PARD3B: variants seen among roughly 807,000 people sequenced by gnomAD.
PARD3B encodes par-3 family cell polarity regulator beta, also known as partitioning defective 3 homolog B.
In PARD3B, 103 loss-of-function variants were observed where a neutral mutation model predicts 130.2. That is an observed-to-expected ratio of 0.79 (90% CI 0.67 to 0.93). PARD3B has a LOEUF of 0.93. Ranked by LOEUF, PARD3B falls within the 40% of genes least tolerant of loss-of-function variation. The probability of loss-of-function intolerance (pLI) is 0.00; values close to 1 mark genes in which losing one functional copy is unlikely to be tolerated. For missense variants in PARD3B, 1,609 were observed against 1,499.2 expected (o/e 1.07, Z -1.21); for synonymous variants, 583 against 553.2 (o/e 1.05, Z -0.76).
intron 18 of PARD3B, among the ~76,000 whole-genome samples, chr2:205,390,318 A>T (rs1453189144): frequency 1.3e-5 from 2 of 151,846 alleles, no homozygotes; most frequent in Admixed American, 1.3e-4. Context: ...AAAAAGCTCT[A>T]GTTATACTTT....
chr2:205,251,400 T>C (rs2039843213), intron 16 of PARD3B, among the ~76,000 whole-genome samples: 1 of 152,180 alleles, frequency 6.6e-6, no homozygotes, highest in Non-Finnish European at 1.5e-5. Context: ...AAGAGTTTAG[T>C]ATGCAAGTTA....
rs2054305080 is a variant in PARD3B at position 205,589,385 on chromosome 2, C to T, written c.3261-26071C>T. 1.3e-5 allele frequency among the ~76,000 whole-genome samples: 2 copies of T among 152,146 alleles called. No homozygotes were observed. Among genetic ancestry groups the T allele is most frequent in the African/African-American group, 2.4e-5 (1 of 41,440 alleles). ...GAGATTAAATCTCACCACAGGATCT[C>T]ACCAAAATCAGGCTCTCCAAACCTC... On this transcript the variant is annotated intron_variant, in intron 22 of 22. Transcript: ENST00000406610. The surrounding 1 kb of genome is among the most constrained non-coding windows in gnomAD (Gnocchi z 4.1).
chr2:204,682,178 C>G lies in PARD3B; in HGVS notation c.121-4003C>G, dbSNP rs1455753691. On this transcript the variant is annotated intron_variant, in intron 1 of 22. Transcript: ENST00000406610. ...AGAATAATGGCAACTTGCCTGGGTA[C>G]GTATGCTTATGTAGGGATAGAAATG... Among the ~76,000 whole-genome samples, 5 of 152,144 alleles carry G rather than the reference C, an allele frequency of 3.3e-5. No individual in the cohort carries two copies. In the East Asian group the frequency reaches 7.8e-4, roughly 24 times the overall value.
chr2:205,295,905 A>G (rs13417185), intron 16 of PARD3B, among the ~76,000 whole-genome samples: 6,069 of 152,298 alleles, frequency 0.04, 394 homozygotes, highest in African/African-American at 0.14. Flanking sequence ...GCATTGTTTG[A>G]AAAAACAATT....
intron 19 of PARD3B, among the ~76,000 whole-genome samples, chr2:205,436,168 C>T (rs1198265387): frequency 6.6e-6 from 1 of 152,182 alleles, no homozygotes; most frequent in South Asian, 2.1e-4. Context: ...AATCTTTTCA[C>T]GATGGCTTAG....
intron 4 of PARD3B, among the ~76,000 whole-genome samples, chr2:205,075,395 C>G (rs1345917740): frequency 2.6e-5 from 4 of 151,952 alleles, no homozygotes; most frequent in Admixed American, 2.0e-4. Context: ...TGATTAAATT[C>G]TCCCGTATGA....
intron 3 of PARD3B, among the ~76,000 whole-genome samples, chr2:205,038,695 G>A (rs538928175): frequency 1.4e-4 from 22 of 152,134 alleles, no homozygotes; most frequent in African/African-American, 2.7e-4. Flanking sequence ...TTTATCATGC[G>A]TGTGCTTATT....
intron 2 of PARD3B, among the ~76,000 whole-genome samples, chr2:204,923,634 G>GA (rs1331107648): frequency 6.6e-6 from 1 of 151,920 alleles, no homozygotes; most frequent in Non-Finnish European, 1.5e-5. Context: ...TTGGGTGGAA[G>GA]AAAAAAGATT....
At chr2:204,964,973 A>G (rs1691097272) in intron 2 of PARD3B, among the ~76,000 whole-genome samples, 179 bp from the exon 3 acceptor site, 1 of 152,206 alleles carries the variant, frequency 6.6e-6, no homozygotes, top group East Asian at 1.9e-4. Flanking sequence ...TTTCTTGACC[A>G]TGGTGCTTAT....
At chr2:205,480,698 A>G (rs926063541) in intron 20 of PARD3B, among the ~76,000 whole-genome samples, 2 of 152,214 alleles carry the variant, frequency 1.3e-5, no homozygotes, top group Non-Finnish European at 2.9e-5. Context: ...AACAGCCTGA[A>G]CAGGACCTAG....
chr2:204,880,410 C>T (rs2045997054), intron 2 of PARD3B, among the ~76,000 whole-genome samples: 1 of 151,744 alleles, frequency 6.6e-6, no homozygotes, highest in Non-Finnish European at 1.5e-5. Flanking sequence ...GCCTGTAATC[C>T]CAGCACTTTG....
rs186795923 is a variant in PARD3B, at chr2:205,069,603, T to A, written c.504+21913T>A. On this transcript the variant is annotated intron_variant, in intron 4 of 22. Transcript: ENST00000406610. ...TATTTCATAACACAGAAATTTGAAG[T>A]AGATTATACTTACTGTGATACAACA... Among the ~76,000 whole-genome samples the A allele has an allele frequency of 1.3e-4, 20 of 152,162 alleles. No homozygotes were observed. In the East Asian group the frequency reaches 3.9e-3, roughly 30 times the overall value.
At chr2:204,644,194 C>G (rs150082831) in intron 1 of PARD3B, among the ~76,000 whole-genome samples, 129 of 152,122 alleles carry the variant, frequency 8.5e-4, no homozygotes, top group Non-Finnish European at 9.6e-4. Flanking sequence ...TACACCTCCT[C>G]TAAAGTTGAA....
At chr2:205,037,255 A>G (rs1454164545) in intron 3 of PARD3B, among the ~76,000 whole-genome samples, 1 of 147,450 alleles carries the variant, frequency 6.8e-6, no homozygotes, top group Non-Finnish European at 1.5e-5. Flanking sequence ...AAAAATATAT[A>G]TATAGTGGAC....
intron 2 of PARD3B, among the ~76,000 whole-genome samples, chr2:204,741,481 C>T (rs568186685): frequency 6.6e-6 from 1 of 152,208 alleles, no homozygotes; most frequent in South Asian, 2.1e-4. Context: ...CAGAACCCAT[C>T]ATGATATGGT....
intron 18 of PARD3B, among the ~76,000 whole-genome samples, chr2:205,394,780 A>C (rs2045968488): frequency 6.6e-6 from 1 of 152,226 alleles, no homozygotes; most frequent in African/African-American, 2.4e-5. Context: ...TATGAATTTC[A>C]CATAGAATAG....
At position 205,615,569 on chromosome 2, in the gene PARD3B, G is replaced by A; in HGVS notation, c.3374G>A (p.Ser1125Asn). ...CATCCTATGCACCCTCCCAAAGGGA[G>A]CTATCCCCGCCCCACAGAGCTCAGG... is the stretch of plus-strand genomic sequence containing the variant. The part of the protein sequence containing the change: ...GAHPMHPPKG[S>N]YPRPTELRVA... Residue 1125 changes from serine (S) to asparagine (N), a missense_variant, in exon 23 of 23, where the codon AGC becomes AAC. By Grantham distance (46) the Ser-to-Asn change is conservative. Transcript: ENST00000406610. 4.3e-6 allele frequency: 7 copies of A among 1,614,146 alleles called. No individual in the cohort carries two copies. The highest frequency in any genetic ancestry group is 5.9e-6 in the Non-Finnish European group (7 of 1,180,000).
chr2:205,335,919 G>A (rs1180714139), intron 18 of PARD3B, among the ~76,000 whole-genome samples: 2 of 152,166 alleles, frequency 1.3e-5, no homozygotes, highest in Admixed American at 6.5e-5. Flanking sequence ...GGTAAGAACA[G>A]CACAAGTAAG....
intron 22 of PARD3B, among the ~76,000 whole-genome samples, chr2:205,554,992 C>A (rs1158432027): frequency 2.0e-5 from 3 of 152,034 alleles, no homozygotes; most frequent in Non-Finnish European, 4.4e-5. Flanking sequence ...CCCCAAGGGA[C>A]AGTTACATTT....
Sources: allele counts gnomAD v4.1 joint callset (sites outside exome capture counted in the v4.1 genomes callset), GRCh38; gene constraint gnomAD v4.1.1; non-coding constraint Gnocchi (gnomAD v3.1); transcripts MANE v1.5; gene names NCBI Gene and HGNC (gene_info 2026-07-23, HGNC 2026-07-21).